The following MRPL3 variants were observed in gnomAD, a reference collection of about 807,000 sequenced individuals.
MRPL3 encodes the protein mitochondrial ribosomal protein L3.
Under a neutral mutation model 44.3 loss-of-function variants are expected in MRPL3, and 43 were observed. The ratio of observed to expected loss-of-function variants is 0.97; its 90% CI spans 0.76 to 1.25. The LOEUF (loss-of-function observed/expected upper bound fraction) is 1.25. Ranked by LOEUF, MRPL3 falls within the 50% of genes most tolerant of loss-of-function variation. The pLI is 0.00. For synonymous variants in MRPL3, 171 were observed against 152.3 expected (o/e 1.12, Z -0.91); for missense variants, 406 against 427.6 (o/e 0.95, Z 0.45).
intron 6 of MRPL3, among the ~76,000 whole-genome samples, chr3:131,478,890 G>A (rs929090520): frequency 7.9e-5 from 12 of 151,624 alleles, no homozygotes; most frequent in African/African-American, 1.5e-4. Flanking sequence ...ATGAAGTTTC[G>A]CTATGTTGGT....
In MRPL3 at chr3:131,462,818, T is replaced by C. The variant is rs748461884; in HGVS notation, c.952A>G (p.Thr318Ala). The C allele has an allele frequency of 4.3e-6, 7 of 1,612,728 alleles. No individual in the cohort carries two copies. The highest frequency in any genetic ancestry group is 1.6e-4 in the Middle Eastern group (1 of 6,074). Residue 318 changes from threonine (T) to alanine (A), a missense_variant, in exon 10 of 10, where the codon ACA becomes GCA. Thr to Ala is a moderately conservative substitution (Grantham distance 58). Coordinates refer to ENST00000264995, the MANE Select transcript of MRPL3 (RefSeq NM_007208.4). Reference sequence around the variant, plus strand: ...TCTTCATCTCCATCAGGAAAATATGTAGGGAATGGTAGATTTTTACCGAGA... The same window carrying C: ...TCTTCATCTCCATCAGGAAAATATGCAGGGAATGGTAGATTTTTACCGAGA... ...KDLGKNLPFP[T>A]YFPDGDEEEL...
At chr3:131,465,920 A>ATT (rs1423359098) in intron 9 of MRPL3, among the ~76,000 whole-genome samples, 5 of 145,082 alleles carry the variant, frequency 3.4e-5, no homozygotes, top group Non-Finnish European at 7.5e-5. Context: ...TTTTTTAAGC[A>ATT]AGGTCCCACT....
At chr3:131,497,644 TA>T (rs148938514) in intron 4 of MRPL3, among the ~76,000 whole-genome samples, 57 of 151,396 alleles carry the variant, frequency 3.8e-4, no homozygotes, top group South Asian at 1.7e-3. Context: ...GTACTCTACT[TA>T]AAAAAAAATG....
Position 131,471,233 on chromosome 3 carries a change from CT to C in MRPL3, c.675del (p.Gly226AlafsTer46). ...FQGVMKRWGF[K>X]GQPATHGQTK... ...GTTTGACCATGCGTAGCAGGCTGGC[CT>C]TTAAATCCCCATCTTTTCATGACAC... On this transcript the variant is annotated frameshift_variant, in exon 7 of 10. Coordinates refer to ENST00000264995, the MANE Select transcript of MRPL3 (RefSeq NM_007208.4). LOFTEE classifies it high-confidence loss of function. 6.2e-7 allele frequency: 1 copy of C among 1,613,468 alleles called. No homozygotes were observed. Among genetic ancestry groups the C allele is most frequent in the East Asian group, 2.2e-5 (1 of 44,882 alleles).
intron 4 of MRPL3, 48 bp from the exon 5 acceptor site, chr3:131,490,128 G>A: frequency 7.8e-7 from 1 of 1,288,208 alleles, no homozygotes; most frequent in Non-Finnish European, 1.1e-6. Flanking sequence ...TATTAAAAGT[G>A]GAATTAAATG....
chr3:131,502,730 C>T lies in MRPL3; in HGVS notation c.92G>A (p.Arg31Lys), dbSNP rs554890450. Residue 31 changes from arginine to lysine, a missense_variant and splice_region_variant, in exon 1 of 10, where the codon AGA becomes AAA. Arg to Lys is a conservative substitution (Grantham distance 26, BLOSUM62 2). Coordinates refer to ENST00000264995, the MANE Select transcript of MRPL3 (RefSeq NM_007208.4). The part of the protein sequence containing the change: ...GLGAALGPGN[R>K]THIWLFVRGL... ...GTAGGACACCCTCACACCTTCCTAC[C>T]TGTTCCCCGGGCCCAGGGCAGCACC... The T allele has an allele frequency of 5.0e-6, 8 of 1,608,320 alleles. No individual in the cohort carries two copies. The highest frequency in any genetic ancestry group is 5.1e-6 in the Non-Finnish European group (6 of 1,176,580).
chr3:131,502,554 TCAC>T (rs1934521665), intron 1 of MRPL3, among the ~76,000 whole-genome samples, 173 bp downstream of exon 1: 1 of 152,180 alleles, frequency 6.6e-6, no homozygotes. Flanking sequence ...TTTTTAAAAA[TCAC>T]CACTTCAATC....
At chr3:131,480,870 T>C (rs1933969157) in intron 6 of MRPL3, among the ~76,000 whole-genome samples, 1 of 152,106 alleles carries the variant, frequency 6.6e-6, no homozygotes, top group Non-Finnish European at 1.5e-5. Flanking sequence ...TGAGGAATTA[T>C]TTTTTGGAAA....
chr3:131,487,364 G>A (rs932613429), intron 6 of MRPL3: 6 of 226,782 alleles, frequency 2.6e-5, no homozygotes, highest in African/African-American at 9.5e-5. Context: ...CGAGTTGATG[G>A]GTGCAGCAAA....
At chr3:131,478,708 A>AT (rs68160977) in intron 6 of MRPL3, among the ~76,000 whole-genome samples, 85,256 of 135,766 alleles carry the variant, frequency 0.63, 27,307 homozygotes, top group Middle Eastern at 0.73. Flanking sequence ...GAAATATTCG[A>AT]TTTTTTTTTT....
intron 6 of MRPL3, among the ~76,000 whole-genome samples, chr3:131,484,709 G>A (rs1479537553): frequency 1.3e-5 from 2 of 152,126 alleles, no homozygotes; most frequent in African/African-American, 4.8e-5. Flanking sequence ...CTGCACTCAG[G>A]AAATTCAAAA....
chr3:131,485,035 A>G (rs1243264368), intron 6 of MRPL3, among the ~76,000 whole-genome samples: 1 of 152,198 alleles, frequency 6.6e-6, no homozygotes, highest in Non-Finnish European at 1.5e-5. Flanking sequence ...GACTATCACT[A>G]CTTTAAATTC....
At chr3:131,482,483 C>G (rs1934013233) in intron 6 of MRPL3, among the ~76,000 whole-genome samples, 1 of 151,216 alleles carries the variant, frequency 6.6e-6, no homozygotes, top group African/African-American at 2.4e-5. Flanking sequence ...CCACTGCACT[C>G]CAGCCTGGGC....
intron 4 of MRPL3, among the ~76,000 whole-genome samples, chr3:131,492,176 C>A (rs1251336399): frequency 6.6e-6 from 1 of 152,156 alleles, no homozygotes; most frequent in African/African-American, 2.4e-5. Context: ...GAAATAGCAT[C>A]ATTTTTTGTC....
chr3:131,468,315 G>C (rs1425985111), intron 8 of MRPL3, 147 bp from the exon 9 acceptor site: 2 of 504,246 alleles, frequency 4.0e-6, no homozygotes, highest in Non-Finnish European at 7.2e-6. Flanking sequence ...AAAACTTCAA[G>C]TCCTATGGAT....
At chr3:131,495,698 A>G (rs898158335) in intron 4 of MRPL3, among the ~76,000 whole-genome samples, 6 of 152,230 alleles carry the variant, frequency 3.9e-5, no homozygotes, top group African/African-American at 1.4e-4. Context: ...TAGTACTGTT[A>G]TAGTAATACT....
intron 5 of MRPL3, 25 bp downstream of exon 5, chr3:131,489,956 C>A: frequency 6.8e-7 from 1 of 1,467,506 alleles, no homozygotes; most frequent in Non-Finnish European, 9.5e-7. Flanking sequence ...TTTTTACCTC[C>A]CTCCTCTCCC....
intron 3 of MRPL3, among the ~76,000 whole-genome samples, chr3:131,499,958 G>A (rs1467501274): frequency 3.9e-5 from 6 of 152,172 alleles, no homozygotes; most frequent in Non-Finnish European, 8.8e-5. Context: ...GCAGAATCAA[G>A]ATTGCAACTC....
chr3:131,495,080 C>A (rs946593173), intron 4 of MRPL3, among the ~76,000 whole-genome samples: 2 of 152,128 alleles, frequency 1.3e-5, no homozygotes, highest in African/African-American at 2.4e-5. Context: ...GCAACGTAGT[C>A]TAATTTCTTG....
Sources: gnomAD v4.1 joint callset for allele counts (sites outside exome capture counted in the v4.1 genomes callset) on GRCh38, gnomAD v4.1.1 for gene constraint, MANE v1.5 for transcripts, NCBI Gene and HGNC (gene_info 2026-07-23, HGNC 2026-07-21) for gene names.